The following ZNF730 variants were observed in gnomAD, a reference collection of about 807,000 sequenced individuals.
The protein encoded by ZNF730 is putative zinc finger protein 730.
A neutral mutation model predicts 12.6 loss-of-function variants in ZNF730; 12 were observed. That is an observed-to-expected ratio of 0.95 (90% CI 0.61 to 1.54). The LOEUF (loss-of-function observed/expected upper bound fraction) is 1.54, where lower values mean the gene tolerates loss of function less well. ZNF730 is among the 40% of genes most tolerant of loss of function. The pLI is 0.00. For synonymous variants in ZNF730, 194 were observed against 195.8 expected (o/e 0.99, Z 0.08); for missense variants, 643 against 583.5 (o/e 1.10, Z -1.05).
chr19:23,117,046 C>G lies in ZNF730; in HGVS notation c.-128C>G. The stretch of plus-strand genomic sequence containing the variant: ...CGCGGCCTTTGTTTCTCGCTGCCGC[C>G]GAAGCTCCAATTTTCGTCTGTCTGC... On this transcript the variant is annotated 5_prime_UTR_variant, in exon 1 of 4. Transcript: ENST00000597761. 6.7e-7 allele frequency: 1 copy of G among 1,503,374 alleles called. No individual in the cohort carries two copies. The highest frequency in any genetic ancestry group is 9.1e-7 in the Non-Finnish European group (1 of 1,103,824). 93.1% of individuals were successfully genotyped at this position (1,503,374 alleles called of 1,614,324 possible).
intron 3 of ZNF730, among the ~76,000 whole-genome samples, chr19:23,138,009 C>T (rs544541956): frequency 1.3e-5 from 1 of 74,212 alleles, no homozygotes; most frequent in African/African-American, 3.5e-5. Flanking sequence ...CACGGCCGGG[C>T]GCGGTGGCTC....
intron 1 of ZNF730, among the ~76,000 whole-genome samples, chr19:23,132,821 G>T (rs1970762002): frequency 1.3e-5 from 2 of 152,150 alleles, no homozygotes; most frequent in African/African-American, 4.8e-5. Context: ...GTTCTCCATG[G>T]TGCTAAAGAA....
chr19:23,131,222 T>C (rs1242985967), intron 1 of ZNF730, among the ~76,000 whole-genome samples: 1 of 152,234 alleles, frequency 6.6e-6, no homozygotes, highest in Non-Finnish European at 1.5e-5. Context: ...CATCTGTTTA[T>C]GTTTAGTTTT....
chr19:23,134,597 G>C (rs1229911210), intron 2 of ZNF730, among the ~76,000 whole-genome samples: 2 of 8,016 alleles, frequency 2.5e-4, no homozygotes, highest in Non-Finnish European at 8.2e-4. Flanking sequence ...CCTGGAGGGT[G>C]GGGGGGGGGG....
At chr19:23,120,678 T>A (rs1214095098) in intron 1 of ZNF730, among the ~76,000 whole-genome samples, 2 of 152,150 alleles carry the variant, frequency 1.3e-5, no homozygotes, top group Non-Finnish European at 2.9e-5. Context: ...GATTTCTTAT[T>A]TGTATGACTT....
At chr19:23,105,251 G>C (rs8112612) in intron 1 of ZNF730, among the ~76,000 whole-genome samples, 86,655 of 151,372 alleles carry the variant, frequency 0.57, 26,667 homozygotes, top group South Asian at 0.73. Flanking sequence ...TGGGTAGCTG[G>C]GATTACAGGT....
In ZNF730 at chr19:23,146,153, A is replaced by T. The variant is rs776533607; in HGVS notation, c.1109A>T (p.Tyr370Phe). 8 of 1,606,960 alleles carry T rather than the reference A, an allele frequency of 5.0e-6. No individual in the cohort carries two copies. The highest frequency in any genetic ancestry group is 6.8e-6 in the Non-Finnish European group (8 of 1,176,446). ...ITHTGGKPYK[Y>F]KECGKAFNQS... is the part of the protein sequence containing the mutation. ...CATACTGGAGGGAAACCCTACAAATATAAAGAATGTGGTAAAGCTTTTAAC... is the reference window on the plus strand; with the variant it reads ...CATACTGGAGGGAAACCCTACAAATTTAAAGAATGTGGTAAAGCTTTTAAC... The change falls in exon 4 of 4, where the codon TAT becomes TTT. Residue 370 changes from tyrosine (Y) to phenylalanine (F), a missense_variant. Transcript: ENST00000597761.
chr19:23,105,077 T>A (rs1032560110), intron 1 of ZNF730, among the ~76,000 whole-genome samples: 6 of 152,004 alleles, frequency 3.9e-5, no homozygotes, highest in Admixed American at 1.3e-4. Flanking sequence ...GACTAAAGGC[T>A]ATGTTGCAAA....
intron 3 of ZNF730, among the ~76,000 whole-genome samples, chr19:23,142,102 G>A (rs1970930618): frequency 2.0e-5 from 3 of 152,034 alleles, no homozygotes; most frequent in Admixed American, 2.0e-4. Context: ...ATATACAAAT[G>A]TTTCATAGGT....
chr19:23,122,759 G>T (rs1031793596), intron 1 of ZNF730, among the ~76,000 whole-genome samples: 1 of 152,102 alleles, frequency 6.6e-6, no homozygotes. Context: ...ATAATAGTAT[G>T]AATATAAGGC....
chr19:23,092,141 T>C (rs1970170355), intron 1 of ZNF730, among the ~76,000 whole-genome samples: 1 of 152,210 alleles, frequency 6.6e-6, no homozygotes, highest in African/African-American at 2.4e-5. Context: ...GTTTTGCTTC[T>C]TTCTCATTTT....
At chr19:23,096,757 C>CTA (rs1970258388) in intron 1 of ZNF730, among the ~76,000 whole-genome samples, 1 of 152,160 alleles carries the variant, frequency 6.6e-6, no homozygotes. Flanking sequence ...TGACTCTGCT[C>CTA]TATGGATTGG....
chr19:23,092,315 C>T (rs1016534049), intron 1 of ZNF730, among the ~76,000 whole-genome samples: 1 of 152,044 alleles, frequency 6.6e-6, no homozygotes, highest in African/African-American at 2.4e-5. Flanking sequence ...GGGTTGGTGG[C>T]CAGGTGCTGT....
At chr19:23,103,894 G>A (rs542767466) in intron 1 of ZNF730, among the ~76,000 whole-genome samples, 1 of 152,202 alleles carries the variant, frequency 6.6e-6, no homozygotes, top group South Asian at 2.1e-4. Context: ...ACAGACAAGT[G>A]TTGTCTTGTC....
intron 1 of ZNF730, among the ~76,000 whole-genome samples, chr19:23,126,276 A>G (rs1443661358): frequency 6.6e-6 from 1 of 152,212 alleles, no homozygotes; most frequent in Admixed American, 6.5e-5. Context: ...ACTATTTATA[A>G]AATAAATGCA....
At chr19:23,097,519 T>C (rs1970273278) in intron 1 of ZNF730, among the ~76,000 whole-genome samples, 1 of 152,190 alleles carries the variant, frequency 6.6e-6, no homozygotes, top group Non-Finnish European at 1.5e-5. Flanking sequence ...TCAAAAGGCA[T>C]TGTGACATAT....
At chr19:23,136,908 C>T (rs1396424285) in intron 3 of ZNF730, among the ~76,000 whole-genome samples, 2 of 152,160 alleles carry the variant, frequency 1.3e-5, no homozygotes, top group African/African-American at 2.4e-5. Flanking sequence ...TGGTGGCTCA[C>T]ACCTGTAATC....
chr19:23,131,538 C>T (rs1368134273), intron 1 of ZNF730, among the ~76,000 whole-genome samples: 1 of 152,110 alleles, frequency 6.6e-6, no homozygotes, highest in Non-Finnish European at 1.5e-5. Context: ...CTTCTGTAAA[C>T]TTTAAAAAAG....
upstream of ZNF730, among the ~76,000 whole-genome samples, chr19:23,114,305 C>CTTTTTTTTTTTTTTTTTTTTTTTTTTTTT (rs869304180): frequency 1.9e-5 from 2 of 103,508 alleles, 1 homozygote. Context: ...TTTTTCTTTT[C>CTTTTTTTTTTTTTTTTTTTTTTTTTTTTT]TTTTTTTTTT....
Sources: allele counts gnomAD v4.1 joint callset (sites outside exome capture counted in the v4.1 genomes callset), GRCh38; gene constraint gnomAD v4.1.1; transcripts MANE v1.5; gene names NCBI Gene and HGNC (gene_info 2026-07-23, HGNC 2026-07-21).